SLC35F4: variants seen among roughly 807,000 people sequenced by gnomAD.
SLC35F4 encodes the protein solute carrier family 35 member F4, also known as chromosome 14 open reading frame 36.
SLC35F4 carries 24 observed loss-of-function variants against 44.2 expected under a neutral mutation model. The observed-to-expected ratio is 0.54, with a 90% confidence interval of 0.39 to 0.76. The LOEUF (loss-of-function observed/expected upper bound fraction) is 0.76, where lower values mean the gene tolerates loss of function less well. SLC35F4 is among the 30% of genes least tolerant of loss of function. SLC35F4 has a pLI of 0.00. For synonymous variants in SLC35F4, 238 were observed against 223.6 expected (o/e 1.06, Z -0.57); for missense variants, 562 against 586.1 (o/e 0.96, Z 0.42).
At chr14:57,847,915 T>G (rs1360866112) in intron 1 of SLC35F4, among the ~76,000 whole-genome samples, 1 of 152,240 alleles carries the variant, frequency 6.6e-6, no homozygotes, top group Non-Finnish European at 1.5e-5. Flanking sequence ...GATGACAGAT[T>G]GAATACAAAC....
chr14:57,971,760 T>G (rs1211374291), downstream of SLC35F4, among the ~76,000 whole-genome samples: 2 of 152,166 alleles, frequency 1.3e-5, no homozygotes, highest in African/African-American at 4.8e-5. Context: ...GGGGAGATGT[T>G]GGCCAGAGGG....
At chr14:57,980,533 C>G (rs886578680) in intron 1 of SLC35F4, among the ~76,000 whole-genome samples, 1 of 152,088 alleles carries the variant, frequency 6.6e-6, no homozygotes, top group Non-Finnish European at 1.5e-5. Flanking sequence ...GCAGAAAGAA[C>G]CTGAGCTGAT....
chr14:57,812,139 T>C (rs1882042206), intron 1 of SLC35F4, among the ~76,000 whole-genome samples: 1 of 152,200 alleles, frequency 6.6e-6, no homozygotes, highest in South Asian at 2.1e-4. Flanking sequence ...CCCTAAGGGA[T>C]ACCACCAAGC....
chr14:57,625,222 T>C (rs1429929279), intron 1 of SLC35F4, among the ~76,000 whole-genome samples: 1 of 151,722 alleles, frequency 6.6e-6, no homozygotes, highest in Non-Finnish European at 1.5e-5. Context: ...GAGAATAAAA[T>C]ACATAGGAAT....
At chr14:57,636,854 T>A (rs1420739197) in intron 1 of SLC35F4, among the ~76,000 whole-genome samples, 1 of 152,130 alleles carries the variant, frequency 6.6e-6, no homozygotes, top group Non-Finnish European at 1.5e-5. Context: ...AGAGACTTTT[T>A]AATGAACCAC....
In SLC35F4 at chr14:57,569,818, A is replaced by T. The variant is rs757205948; in HGVS notation, c.1096T>A (p.Cys366Ser). The T allele has an allele frequency of 6.2e-7, 1 of 1,609,568 alleles. No individual in the cohort carries two copies. Among genetic ancestry groups the T allele is most frequent in the South Asian group, 1.1e-5 (1 of 89,648 alleles). Residue 366 changes from cysteine to serine, a missense_variant, in exon 6 of 8, where the codon TGT (cysteine) becomes AGT (serine). Transcript: ENST00000556826. The part of the protein sequence containing the change: ...WSSFAALPWG[C>S]LCGMAGLWLA... ...CACAGCCCTGCCATCCCACAGAGACAGCCCCATGGCAGAGCAGCAAAAGAG... is the reference window on the plus strand; with the variant it reads ...CACAGCCCTGCCATCCCACAGAGACTGCCCCATGGCAGAGCAGCAAAAGAG...
At chr14:57,672,813 T>C (rs1371989509) in intron 1 of SLC35F4, among the ~76,000 whole-genome samples, 2 of 151,766 alleles carry the variant, frequency 1.3e-5, no homozygotes, top group African/African-American at 2.4e-5. Flanking sequence ...AATAACAAAG[T>C]TGAGTTAGGA....
chr14:57,847,312 AT>A (rs939063166), intron 1 of SLC35F4, among the ~76,000 whole-genome samples: 3 of 151,768 alleles, frequency 2.0e-5, no homozygotes, highest in Non-Finnish European at 4.4e-5. Context: ...GTGCCTTGGG[AT>A]TTTTTTTCAC....
At chr14:57,864,855 T>C (rs1473161661) in intron 1 of SLC35F4, among the ~76,000 whole-genome samples, 4 of 152,340 alleles carry the variant, frequency 2.6e-5, no homozygotes, top group Admixed American at 1.3e-4. Context: ...CAGTCGCCAG[T>C]AGAACTAATC....
chr14:57,614,819 G>A (rs142762946), intron 1 of SLC35F4, among the ~76,000 whole-genome samples: 3,398 of 152,256 alleles, frequency 0.022, 68 homozygotes, highest in South Asian at 0.048. Context: ...AGATAGCTTG[G>A]TTCCTGCTCT....
At chr14:57,926,051 A>G (rs1889563058) in intron 1 of SLC35F4, among the ~76,000 whole-genome samples, 1 of 152,186 alleles carries the variant, frequency 6.6e-6, no homozygotes, top group Non-Finnish European at 1.5e-5. Context: ...TTTATGTATC[A>G]GTTCCCGTAT....
At chr14:57,604,660 C>G (rs1400552412) in intron 1 of SLC35F4, among the ~76,000 whole-genome samples, 2 of 152,070 alleles carry the variant, frequency 1.3e-5, no homozygotes, top group Non-Finnish European at 2.9e-5. Context: ...CAATCCTAAG[C>G]AAAAAGAACA....
intron 1 of SLC35F4, among the ~76,000 whole-genome samples, chr14:57,873,632 A>C (rs1441370903): frequency 6.6e-6 from 1 of 152,234 alleles, no homozygotes; most frequent in Non-Finnish European, 1.5e-5. Context: ...AAAATAGTTA[A>C]GATACTCAAA....
chr14:57,828,404 T>A (rs1884016824), intron 1 of SLC35F4, among the ~76,000 whole-genome samples: 3 of 152,244 alleles, frequency 2.0e-5, no homozygotes, highest in African/African-American at 7.2e-5. Flanking sequence ...TAAATAATAA[T>A]AATTGGTAAT....
chr14:57,644,183 G>T (rs1238216436), intron 1 of SLC35F4, among the ~76,000 whole-genome samples: 1 of 152,154 alleles, frequency 6.6e-6, no homozygotes, highest in Non-Finnish European at 1.5e-5. Context: ...GATCCCTGAG[G>T]AATCGCCACA....
intron 1 of SLC35F4, among the ~76,000 whole-genome samples, chr14:57,694,657 C>T (rs1449919873): frequency 6.6e-6 from 1 of 152,122 alleles, no homozygotes; most frequent in East Asian, 1.9e-4. Context: ...ACTGAATTTT[C>T]CAATCTGTGA....
chr14:57,618,768 C>T (rs2072007154), intron 1 of SLC35F4, among the ~76,000 whole-genome samples: 1 of 152,208 alleles, frequency 6.6e-6, no homozygotes, highest in African/African-American at 2.4e-5. Context: ...CCGCACAGAA[C>T]CCAGCAAGCT....
rs967159381 is a variant in SLC35F4, at chr14:57,655,540, G to T, written c.104-61416C>A. On this transcript the variant is annotated intron_variant, in intron 1 of 7. Coordinates refer to ENST00000556826, the MANE Select transcript of SLC35F4 (RefSeq NM_001306087.2). ...AGGACAGTTAGAGCTGCAGCAGGGGGTGTGTGGTGTCACTCTAGGGGATGC... is the reference window on the plus strand; with the variant it reads ...AGGACAGTTAGAGCTGCAGCAGGGGTTGTGTGGTGTCACTCTAGGGGATGC... Among the ~76,000 whole-genome samples the T allele has an allele frequency of 1.1e-4, 17 of 152,192 alleles. No homozygotes were observed. In the South Asian group the frequency reaches 2.3e-3, roughly 20 times the overall value.
At chr14:57,972,786 T>C (rs1881091861), downstream of SLC35F4, among the ~76,000 whole-genome samples, 1 of 152,184 alleles carries the variant, frequency 6.6e-6, no homozygotes, top group Non-Finnish European at 1.5e-5. Flanking sequence ...ATGGCATTTA[T>C]CCTCCCCTCC....
Sources: gnomAD v4.1 joint callset for allele counts (sites outside exome capture counted in the v4.1 genomes callset) on GRCh38, gnomAD v4.1.1 for gene constraint, MANE v1.5 for transcripts, NCBI Gene and HGNC (gene_info 2026-07-23, HGNC 2026-07-21) for gene names.